Variants in SLC17A4 observed in about 807,000 individuals in gnomAD.
The protein encoded by SLC17A4 is solute carrier family 17 member 4.
In SLC17A4, 33 loss-of-function variants were observed where a neutral mutation model predicts 52.5. That is an observed-to-expected ratio of 0.63 (90% CI 0.48 to 0.84). The LOEUF (loss-of-function observed/expected upper bound fraction) is 0.84. Among genes scored for constraint, SLC17A4 ranks in the 40% least tolerant of loss-of-function variants. SLC17A4 has a pLI of 0.00. For missense variants in SLC17A4, 585 were observed against 597.1 expected (o/e 0.98, Z 0.21); for synonymous variants, 225 against 216.2 (o/e 1.04, Z -0.36).
intron 1 of SLC17A4, among the ~76,000 whole-genome samples, chr6:25,760,505 CT>C (rs1761440382): frequency 6.6e-6 from 1 of 152,118 alleles, no homozygotes; most frequent in Admixed American, 6.5e-5. Flanking sequence ...TCTGAGAAAT[CT>C]TGTGGTTTCA....
rs1238776934 is a variant in SLC17A4, at chr6:25,776,808, C to T, written c.1121-4C>T. 5.0e-6 allele frequency: 8 copies of T among 1,613,900 alleles called. No individual in the cohort carries two copies. The highest frequency in any genetic ancestry group is 6.8e-6 in the Non-Finnish European group (8 of 1,179,868). On this transcript the variant is annotated splice_polypyrimidine_tract_variant and splice_region_variant and intron_variant, in intron 9 of 11. Transcript: ENST00000377905. ...TTTACTCTGTGTTTGTCCTCCTACC[C>T]CAGGGGTTCTCTTCCCATCCGTGAT... is the stretch of plus-strand genomic sequence containing the variant.
At chr6:25,777,287 G>C in intron 10 of SLC17A4, 1 of 245,576 alleles carries the variant, frequency 4.1e-6, no homozygotes, top group Non-Finnish European at 7.8e-6. Context: ...ATTCTATAGG[G>C]TATGCTCATG....
rs1383787419 is a variant in SLC17A4, at chr6:25,781,076, G to T, written c.*1888G>T. ...AGGTAGTGATTACAATTTTTGCATG[G>T]ATGAGTCATCCATGGGTGAAAGTGG... On this transcript the variant is annotated 3_prime_UTR_variant, in exon 12 of 12. Coordinates refer to ENST00000377905, the MANE Select transcript of SLC17A4 (RefSeq NM_005495.3). 1.3e-5 allele frequency: 2 copies of T among 151,992 alleles called. No homozygotes were observed. The highest frequency in any genetic ancestry group is 3.9e-4 in the East Asian group (2 of 5,180). The allele number at this position is 151,992 out of a possible 1,614,324, so 9.4% of individuals were successfully genotyped here.
chr6:25,773,425 A>G lies in SLC17A4; in HGVS notation c.825+32A>G, dbSNP rs563340494. 21 of 1,612,424 alleles carry G rather than the reference A, an allele frequency of 1.3e-5. No individual in the cohort carries two copies. In the African/African-American group the frequency reaches 2.3e-4, roughly 17 times the overall value. On this transcript the variant is annotated intron_variant, in intron 7 of 11. Coordinates refer to ENST00000377905, the MANE Select transcript of SLC17A4 (RefSeq NM_005495.3). ...TGAGGAACTCCTCTGACATTTCTCT[A>G]TGTCCCTCTAGACGTCTGAGAGATG...
rs370558150 is a variant in SLC17A4 at position 25,768,973 on chromosome 6, T to A, written c.92-12T>A. 1.9e-6 allele frequency: 3 copies of A among 1,613,026 alleles called. No homozygotes were observed. The African/African-American group carries it at 4.0e-5, about 22-fold the overall frequency. On this transcript the variant is annotated splice_polypyrimidine_tract_variant and intron_variant, in intron 2 of 11. Transcript: ENST00000377905. ...ATTCTGATTGTGATTTTTCATGCCC[T>A]TTTCCTCTCAGGTTTTTGTTCAGTC...
At chr6:25,763,927 G>A (rs544016333) in intron 2 of SLC17A4, among the ~76,000 whole-genome samples, 1 of 152,182 alleles carries the variant, frequency 6.6e-6, no homozygotes, top group Non-Finnish European at 1.5e-5. Flanking sequence ...TTTCTGAGAA[G>A]AAAGAAGATT....
chr6:25,774,368 T>C (rs1762726627), intron 8 of SLC17A4, among the ~76,000 whole-genome samples: 1 of 152,210 alleles, frequency 6.6e-6, no homozygotes, highest in South Asian at 2.1e-4. Context: ...AAAGCCAGTG[T>C]TATTCTTGTA....
chr6:25,775,670 C>T (rs573057653), intron 8 of SLC17A4, among the ~76,000 whole-genome samples: 1 of 152,228 alleles, frequency 6.6e-6, no homozygotes, highest in East Asian at 1.9e-4. Context: ...TCAAGTGATC[C>T]TCCCACTACA....
At chr6:25,759,521 T>C (rs886556025) in intron 1 of SLC17A4, among the ~76,000 whole-genome samples, 8 of 152,220 alleles carry the variant, frequency 5.3e-5, no homozygotes, top group African/African-American at 1.9e-4. Context: ...GATATTTTCC[T>C]GTAGTCCTTT....
intron 1 of SLC17A4, among the ~76,000 whole-genome samples, chr6:25,760,923 G>A (rs571167279): frequency 4.6e-5 from 7 of 152,100 alleles, no homozygotes; most frequent in South Asian, 2.1e-4. Context: ...TTGGAAGTTC[G>A]CAGTAGTTTA....
Position 25,779,221 on chromosome 6 carries a change from T to C in SLC17A4, c.*33T>C, listed in dbSNP as rs375882275. The stretch of plus-strand genomic sequence containing the variant: ...GAGAGATGTGCTAGATCCTGGTGCT[T>C]AGTTCATCATTGTTTTCCCTCACAG... On this transcript the variant is annotated 3_prime_UTR_variant, in exon 12 of 12. Transcript: ENST00000377905. The C allele has an allele frequency of 2.0e-5, 32 of 1,609,860 alleles. No individual in the cohort carries two copies. The African/African-American group carries it at 2.5e-4, about 13-fold the overall frequency.
intron 8 of SLC17A4, among the ~76,000 whole-genome samples, chr6:25,776,329 T>G (rs986374322): frequency 6.6e-6 from 1 of 152,154 alleles, no homozygotes; most frequent in Non-Finnish European, 1.5e-5. Flanking sequence ...CTTTGCCTAT[T>G]TTTGTACTGG....
intron 11 of SLC17A4, 59 bp downstream of exon 11, chr6:25,778,075 T>A: frequency 1.5e-6 from 2 of 1,317,222 alleles, no homozygotes. Flanking sequence ...CATGGTTTTT[T>A]CACATATGCA....
intron 8 of SLC17A4, 52 bp downstream of exon 8, chr6:25,773,726 G>T: frequency 6.4e-7 from 1 of 1,574,496 alleles, no homozygotes; most frequent in South Asian, 1.2e-5. Flanking sequence ...CTTAAATAAT[G>T]AGAGCTCATA....
At chr6:25,770,349 C>G (rs773612789) in intron 4 of SLC17A4, 35 bp from the exon 5 acceptor site, 1 of 1,613,678 alleles carries the variant, frequency 6.2e-7, no homozygotes, top group Non-Finnish European at 8.5e-7. Context: ...TCCAGAATGA[C>G]CTCAGATCTC....
chr6:25,779,043 T>G lies in SLC17A4; in HGVS notation c.1360-11T>G. 1 of 1,613,576 alleles carries G rather than the reference T, an allele frequency of 6.2e-7. No homozygotes were observed. Reference sequence around the variant, plus strand: ...GGTGACCGTTAATAACTTGTAATTTTCTGCCTCCAGGATTCAGAGTTTGGT... The same window carrying G: ...GGTGACCGTTAATAACTTGTAATTTGCTGCCTCCAGGATTCAGAGTTTGGT... On this transcript the variant is annotated splice_polypyrimidine_tract_variant and intron_variant, in intron 11 of 11. Coordinates refer to ENST00000377905, the MANE Select transcript of SLC17A4 (RefSeq NM_005495.3).
Position 25,770,152 on chromosome 6 carries a change from G to C in SLC17A4, c.383G>C (p.Ser128Thr). 1.9e-6 allele frequency: 3 copies of C among 1,614,056 alleles called. No individual in the cohort carries two copies. Among genetic ancestry groups the C allele is most frequent in the Non-Finnish European group, 2.5e-6 (3 of 1,179,976 alleles). Residue 128 changes from serine (S) to threonine (T), a missense_variant, in exon 4 of 12, where the codon AGT (serine) becomes ACT (threonine). Transcript: ENST00000377905. ...NYGSFLAPIP[S>T]GYVAGIFGAK... ...GGCTCATTCTTGGCTCCAATCCCCA[G>C]TGGCTATGTGGCTGGAATATTTGGA...
At chr6:25,765,549 A>AT (rs555256274) in intron 2 of SLC17A4, among the ~76,000 whole-genome samples, 52 of 152,370 alleles carry the variant, frequency 3.4e-4, no homozygotes, top group Non-Finnish European at 4.9e-4. Flanking sequence ...GTTCTCAATA[A>AT]TGACAATAAC....
rs761386864 is a variant in SLC17A4, at chr6:25,769,037, T to C, written c.144T>C (p.Phe48=). 1 of 1,614,082 alleles carries C rather than the reference T, an allele frequency of 6.2e-7. No homozygotes were observed. The highest frequency in any genetic ancestry group is 8.5e-7 in the Non-Finnish European group (1 of 1,179,990). ...GLALILQLCN[F]SIYTQQMNLS... ...CCCTCATCTTGCAGCTCTGTAATTTTTCAATTTACACCCAACAAATGAACT... is the reference window on the plus strand; with the variant it reads ...CCCTCATCTTGCAGCTCTGTAATTTCTCAATTTACACCCAACAAATGAACT... Residue 48 remains phenylalanine, a synonymous_variant, in exon 3 of 12, where the codon TTT becomes TTC. Transcript: ENST00000377905.
Sources: allele counts gnomAD v4.1 joint callset (sites outside exome capture counted in the v4.1 genomes callset), GRCh38; gene constraint gnomAD v4.1.1; transcripts MANE v1.5; gene names NCBI Gene and HGNC (gene_info 2026-07-23, HGNC 2026-07-21).